INSYN2B: variants seen among roughly 807,000 people sequenced by gnomAD.
INSYN2B encodes inhibitory synaptic factor family member 2B.
INSYN2B carries 16 observed loss-of-function variants against 41.2 expected under a neutral mutation model. That is an observed-to-expected ratio of 0.39 (90% CI 0.26 to 0.59). The LOEUF (loss-of-function observed/expected upper bound fraction) is 0.59, where lower values mean the gene tolerates loss of function less well. INSYN2B is among the 20% of genes least tolerant of loss of function. The pLI, the probability that INSYN2B is intolerant of heterozygous loss-of-function variation, is 0.57. For missense variants in INSYN2B, 608 were observed against 646.4 expected, an observed-to-expected ratio of 0.94 and a Z score of 0.64; for synonymous variants, 245 against 244.4, an observed-to-expected ratio of 1.00 and a Z score of -0.02.
At chr5:169,964,023 TG>T (rs1777197607) in intron 1 of INSYN2B, among the ~76,000 whole-genome samples, 1 of 151,848 alleles carries the variant, frequency 6.6e-6, no homozygotes, top group Non-Finnish European at 1.5e-5. Context: ...GTGGCAGGAT[TG>T]GGGGAGGGAG....
At chr5:169,949,993 C>T (rs933506086) in intron 1 of INSYN2B, among the ~76,000 whole-genome samples, 2 of 152,148 alleles carry the variant, frequency 1.3e-5, no homozygotes, top group Non-Finnish European at 2.9e-5. Context: ...AACACAACCT[C>T]GCAATGAAGG....
chr5:169,891,927 C>T (rs565268040), intron 1 of INSYN2B, among the ~76,000 whole-genome samples: 9 of 144,410 alleles, frequency 6.2e-5, no homozygotes, highest in South Asian at 2.3e-4. Context: ...ACCTGGGAGG[C>T]GGAGGTTGCA....
At chr5:169,972,574 T>C (rs1777550008) in intron 1 of INSYN2B, among the ~76,000 whole-genome samples, 1 of 66,150 alleles carries the variant, frequency 1.5e-5, no homozygotes, top group Admixed American at 1.8e-4. Context: ...GATAGATAGA[T>C]AGATAGATAG....
intron 1 of INSYN2B, among the ~76,000 whole-genome samples, chr5:169,935,103 C>T (rs761698541): frequency 1.4e-4 from 22 of 152,248 alleles, no homozygotes; most frequent in Non-Finnish European, 3.1e-4. Flanking sequence ...GTGAAGACAG[C>T]GTGGCAAGAT....
intron 1 of INSYN2B, chr5:169,934,640 C>T (rs1178726016): frequency 2.2e-6 from 1 of 456,122 alleles, no homozygotes; most frequent in Non-Finnish European, 4.4e-6. Flanking sequence ...GTCTTGTCTC[C>T]TTCCTTTCTA....
intron 1 of INSYN2B, among the ~76,000 whole-genome samples, chr5:169,903,772 A>C (rs960383263): frequency 1.1e-4 from 16 of 152,092 alleles, no homozygotes; most frequent in Non-Finnish European, 1.2e-4. Flanking sequence ...GTTTGGACTT[A>C]ACCCTAAGAG....
At chr5:169,905,192 G>A (rs1268194610) in intron 1 of INSYN2B, among the ~76,000 whole-genome samples, 1 of 152,142 alleles carries the variant, frequency 6.6e-6, no homozygotes, top group African/African-American at 2.4e-5. Flanking sequence ...CCAGCTGGGA[G>A]CAAGCTAGGC....
At chr5:169,957,832 C>T (rs1776928689) in intron 1 of INSYN2B, among the ~76,000 whole-genome samples, 1 of 152,238 alleles carries the variant, frequency 6.6e-6, no homozygotes, top group Admixed American at 6.5e-5. Flanking sequence ...CTGACTCTCC[C>T]CTGCTCCCCA....
chr5:169,943,760 T>C (rs1776334095), intron 1 of INSYN2B, among the ~76,000 whole-genome samples: 1 of 152,194 alleles, frequency 6.6e-6, no homozygotes, highest in Non-Finnish European at 1.5e-5. Flanking sequence ...CCAGGCCTAC[T>C]GATTCAGAAC....
At chr5:169,936,232 A>AT (rs1160653338) in intron 1 of INSYN2B, among the ~76,000 whole-genome samples, 1 of 152,244 alleles carries the variant, frequency 6.6e-6, no homozygotes, top group Non-Finnish European at 1.5e-5. Context: ...CCCAAGCGTG[A>AT]TAACACTTCC....
At chr5:169,942,976 G>A (rs1402309691) in intron 1 of INSYN2B, among the ~76,000 whole-genome samples, 1 of 152,170 alleles carries the variant, frequency 6.6e-6, no homozygotes, top group African/African-American at 2.4e-5. Context: ...CTGGCAAATC[G>A]TATGCGTGGG....
At chr5:169,900,369 T>C (rs1430392887) in intron 1 of INSYN2B, among the ~76,000 whole-genome samples, 2 of 152,194 alleles carry the variant, frequency 1.3e-5, no homozygotes, top group African/African-American at 4.8e-5. Flanking sequence ...TTCAAAGGTG[T>C]GCCTTGAGTC....
At chr5:169,976,545 A>G (rs1777723872) in intron 1 of INSYN2B, among the ~76,000 whole-genome samples, 1 of 152,210 alleles carries the variant, frequency 6.6e-6, no homozygotes, top group African/African-American at 2.4e-5. Context: ...GTGATTAAAC[A>G]TCTCATCATA....
chr5:169,945,990 C>T (rs994852034), intron 1 of INSYN2B, among the ~76,000 whole-genome samples: 1 of 152,072 alleles, frequency 6.6e-6, no homozygotes, highest in Non-Finnish European at 1.5e-5. Context: ...GGTGCAACAC[C>T]CCGGTGCCAT....
chr5:169,965,035 G>A (rs548639686), intron 1 of INSYN2B, among the ~76,000 whole-genome samples: 23 of 152,256 alleles, frequency 1.5e-4, no homozygotes, highest in Non-Finnish European at 2.1e-4. Context: ...TCATTCAATC[G>A]CCAAACATCT....
chr5:169,896,885 G>T (rs1176213330), intron 1 of INSYN2B, among the ~76,000 whole-genome samples: 1 of 99,960 alleles, frequency 1.0e-5, no homozygotes, highest in East Asian at 2.4e-4. Flanking sequence ...GAAGATGAGA[G>T]GTAAAAAATA....
intron 1 of INSYN2B, among the ~76,000 whole-genome samples, chr5:169,967,477 G>A (rs1041564360): frequency 6.6e-6 from 1 of 152,122 alleles, no homozygotes; most frequent in Admixed American, 6.5e-5. Flanking sequence ...CTGTGTGGCC[G>A]GATGATAAAG....
chr5:169,963,656 A>C (rs912898477), intron 1 of INSYN2B, among the ~76,000 whole-genome samples: 9 of 151,478 alleles, frequency 5.9e-5, no homozygotes, highest in Non-Finnish European at 2.9e-5. Context: ...ATGTTAACCC[A>C]CCCCCTCACC....
At chr5:169,869,431 T>C (rs1771799643) in intron 3 of INSYN2B, among the ~76,000 whole-genome samples, 1 of 152,212 alleles carries the variant, frequency 6.6e-6, no homozygotes, top group Non-Finnish European at 1.5e-5. Context: ...AGAAATTGAT[T>C]AATGTTTTTT....
Sources: gnomAD v4.1 joint callset for allele counts (sites outside exome capture counted in the v4.1 genomes callset) on GRCh38, gnomAD v4.1.1 for gene constraint, MANE v1.5 for transcripts, NCBI Gene and HGNC (gene_info 2026-07-23, HGNC 2026-07-21) for gene names.